Variants in SUFU observed in about 807,000 individuals in gnomAD.
The protein encoded by SUFU is SUFU negative regulator of hedgehog signaling.
SUFU carries 7 observed loss-of-function variants against 58.9 expected under a neutral mutation model. The ratio of observed to expected loss-of-function variants is 0.12; its 90% CI spans 0.07 to 0.22. The LOEUF (loss-of-function observed/expected upper bound fraction) is 0.22. Ranked by LOEUF, SUFU falls within the 10% of genes least tolerant of loss-of-function variation. The pLI, the probability that SUFU is intolerant of heterozygous loss-of-function variation, is 1.00. For synonymous variants in SUFU, 232 were observed against 254.8 expected, an observed-to-expected ratio of 0.91 and a Z score of 0.85; for missense variants, 451 against 641.3, an observed-to-expected ratio of 0.70 and a Z score of 3.20.
rs1382367378 is a variant in SUFU at position 102,527,513 on chromosome 10, A to ATG, written c.317+18212_317+18213dup. ...ATACCATTAAGATATATATATATAT[A>ATG]TGTATATTTATAGTACATCATGACA... On this transcript the variant is annotated intron_variant, in intron 2 of 11. Transcript: ENST00000369902. Among the ~76,000 whole-genome samples the ATG allele has an allele frequency of 2.7e-5, 4 of 150,914 alleles. No homozygotes were observed. In the East Asian group the frequency reaches 7.8e-4, roughly 29 times the overall value.
intron 2 of SUFU, among the ~76,000 whole-genome samples, chr10:102,526,140 G>A (rs1021409389): frequency 6.6e-6 from 1 of 152,096 alleles, no homozygotes; most frequent in African/African-American, 2.4e-5. Context: ...CTAAGGAGGG[G>A]TGACCTGGCC....
At chr10:102,552,409 G>A (rs1352074302) in intron 3 of SUFU, among the ~76,000 whole-genome samples, 2 of 151,830 alleles carry the variant, frequency 1.3e-5, no homozygotes, top group Admixed American at 1.3e-4. Flanking sequence ...TTCCAGGCTG[G>A]GCGACACAGT....
intron 6 of SUFU, among the ~76,000 whole-genome samples, chr10:102,595,161 A>G (rs1433496712): frequency 2.0e-5 from 3 of 152,158 alleles, no homozygotes. Context: ...GCTTCTGTAA[A>G]ATATCTGGTA....
intron 3 of SUFU, among the ~76,000 whole-genome samples, chr10:102,581,180 CAAAAAAAAAAAAAAAAAAAAAA>C: frequency 1.3e-5 from 1 of 75,678 alleles, no homozygotes; most frequent in African/African-American, 5.3e-5. Flanking sequence ...ACTCTGTCTC[CAAAAAAAAAAAAAAAAAAAAAA>C]AAAAAAAAAG....
chr10:102,528,935 C>T, intron 2 of SUFU, among the ~76,000 whole-genome samples: 2 of 147,094 alleles, frequency 1.4e-5, no homozygotes, highest in African/African-American at 5.0e-5. Context: ...AGAGTGCAGT[C>T]TTCGCTGATG....
intron 8 of SUFU, among the ~76,000 whole-genome samples, chr10:102,609,566 C>T (rs34058856): frequency 0.17 from 26,619 of 152,158 alleles, 2,918 homozygotes; most frequent in Middle Eastern, 0.28. Context: ...AAAACCTAGA[C>T]CCAATTGTTT....
chr10:102,543,175 C>T (rs1252264952), intron 2 of SUFU, among the ~76,000 whole-genome samples: 1 of 152,214 alleles, frequency 6.6e-6, no homozygotes, highest in Admixed American at 6.5e-5. Context: ...ATATCCATAC[C>T]GGCAACATAT....
intron 8 of SUFU, among the ~76,000 whole-genome samples, chr10:102,611,347 A>G (rs2063620443): frequency 6.6e-6 from 1 of 152,224 alleles, no homozygotes; most frequent in African/African-American, 2.4e-5. Flanking sequence ...GAAGGAAGAG[A>G]GCCCTGGCGT....
rs760239843 is a variant in SUFU, at chr10:102,509,158, G to A, written c.183-11G>A. 3.1e-6 allele frequency: 5 copies of A among 1,613,932 alleles called. No individual in the cohort carries two copies. The South Asian group carries it at 5.5e-5, about 18-fold the overall frequency. ...GCTTACACTAACACCCCTGTGTTTT[G>A]TTTTTTGCAGGTTGGGTGGCCCAGA... On this transcript the variant is annotated splice_polypyrimidine_tract_variant and intron_variant, in intron 1 of 11. Transcript: ENST00000369902.
chr10:102,533,724 T>C (rs886882609), intron 2 of SUFU, among the ~76,000 whole-genome samples: 2 of 152,228 alleles, frequency 1.3e-5, no homozygotes, highest in African/African-American at 4.8e-5. Flanking sequence ...TCTGATCTTT[T>C]ACCTGTCTCT....
intron 3 of SUFU, chr10:102,573,053 G>T: frequency 1.2e-6 from 1 of 833,840 alleles, no homozygotes; most frequent in Non-Finnish European, 2.1e-6. Context: ...AGGGTACTTG[G>T]GCTGCCTCCA....
intron 3 of SUFU, among the ~76,000 whole-genome samples, chr10:102,571,521 A>C (rs12780265): frequency 2.1e-4 from 8 of 37,532 alleles, no homozygotes; most frequent in Admixed American, 7.5e-4. Flanking sequence ...AACAAACAAA[A>C]CAAACAAACA....
chr10:102,603,283 T>G (rs553713954), intron 8 of SUFU, among the ~76,000 whole-genome samples: 164 of 152,272 alleles, frequency 1.1e-3, no homozygotes, highest in African/African-American at 3.8e-3. Context: ...TACCTTGGCC[T>G]CCCAAAATGC....
intron 8 of SUFU, among the ~76,000 whole-genome samples, chr10:102,608,230 C>CA (rs76665733): frequency 4.9e-4 from 74 of 150,154 alleles, no homozygotes; most frequent in Non-Finnish European, 7.7e-4. Flanking sequence ...TCTAAAAAAA[C>CA]AAAAAAAAAA....
chr10:102,581,792 G>A (rs1433701161), intron 3 of SUFU, among the ~76,000 whole-genome samples: 2 of 152,154 alleles, frequency 1.3e-5, no homozygotes, highest in South Asian at 2.1e-4. Context: ...ACCAGCTCCG[G>A]GTGTTCACAG....
chr10:102,551,531 G>A (rs1340335469), intron 3 of SUFU, among the ~76,000 whole-genome samples: 2 of 151,468 alleles, frequency 1.3e-5, no homozygotes, highest in Non-Finnish European at 2.9e-5. Flanking sequence ...CCAGCTACTC[G>A]GGAGGCTGAG....
chr10:102,518,007 T>G (rs964812853), intron 2 of SUFU, among the ~76,000 whole-genome samples: 1 of 152,124 alleles, frequency 6.6e-6, no homozygotes, highest in Non-Finnish European at 1.5e-5. Flanking sequence ...AAGATGACAG[T>G]GAGGATTGGG....
At chr10:102,517,012 A>G (rs1327468733) in intron 2 of SUFU, among the ~76,000 whole-genome samples, 3 of 151,416 alleles carry the variant, frequency 2.0e-5, no homozygotes, top group Admixed American at 6.6e-5. Flanking sequence ...AATCCCAGCT[A>G]CTGGGGAGGC....
chr10:102,622,823 GAA>G (rs59430798), intron 10 of SUFU, among the ~76,000 whole-genome samples: 20,717 of 124,452 alleles, frequency 0.17, 1,900 homozygotes, highest in East Asian at 0.42. Context: ...CGTCTCAGAA[GAA>G]AAAAAAAAAA....
Sources: allele counts gnomAD v4.1 joint callset (sites outside exome capture counted in the v4.1 genomes callset), GRCh38; gene constraint gnomAD v4.1.1; transcripts MANE v1.5; gene names NCBI Gene and HGNC (gene_info 2026-07-23, HGNC 2026-07-21).